SLC4A10: variants seen among roughly 807,000 people sequenced by gnomAD.
The protein encoded by SLC4A10 is solute carrier family 4 member 10.
A neutral mutation model predicts 137.7 loss-of-function variants in SLC4A10; 42 were observed. The observed-to-expected ratio is 0.30, with a 90% CI of 0.24 to 0.39. The LOEUF is 0.39. SLC4A10 is among the 10% of genes least tolerant of loss of function. SLC4A10 has a pLI of 1.00. For synonymous variants in SLC4A10, 474 were observed against 464.1 expected (o/e 1.02, Z -0.27); for missense variants, 925 against 1,355.0 (o/e 0.68, Z 4.98).
chr2:161,905,215 A>G (rs892169206), intron 14 of SLC4A10, among the ~76,000 whole-genome samples: 1 of 152,172 alleles, frequency 6.6e-6, no homozygotes, highest in Non-Finnish European at 1.5e-5. Context: ...GACTGGTTTC[A>G]TGGAAGACAA....
intron 2 of SLC4A10, among the ~76,000 whole-genome samples, chr2:161,773,669 T>G (rs925542661): frequency 6.6e-6 from 1 of 151,830 alleles, no homozygotes; most frequent in African/African-American, 2.4e-5. Context: ...ATCTGTAAAG[T>G]CTCAGGTGCA....
intron 2 of SLC4A10, among the ~76,000 whole-genome samples, chr2:161,797,432 A>G (rs1216864268): frequency 2.0e-5 from 3 of 152,176 alleles, no homozygotes; most frequent in South Asian, 4.1e-4. Context: ...CCACACAGTA[A>G]CATTTGCCTC....
At chr2:161,871,391 C>A (rs1023922419) in intron 6 of SLC4A10, among the ~76,000 whole-genome samples, 2 of 31,332 alleles carry the variant, frequency 6.4e-5, no homozygotes, top group South Asian at 3.8e-3. Flanking sequence ...TGTCTTTATT[C>A]ATTTCACAGA....
At chr2:161,737,035 T>C (rs1455439945) in intron 1 of SLC4A10, among the ~76,000 whole-genome samples, 1 of 151,896 alleles carries the variant, frequency 6.6e-6, no homozygotes, top group Non-Finnish European at 1.5e-5. Context: ...GATTTTTTTT[T>C]TTCCATGGAG....
At chr2:161,795,164 A>C (rs2054632198) in intron 2 of SLC4A10, among the ~76,000 whole-genome samples, 2 of 151,964 alleles carry the variant, frequency 1.3e-5, no homozygotes, top group South Asian at 4.2e-4. Flanking sequence ...ACCTGCCAAT[A>C]CATATCTTAT....
At chr2:161,957,832 G>A (rs1021232022) in intron 20 of SLC4A10, among the ~76,000 whole-genome samples, 1 of 151,936 alleles carries the variant, frequency 6.6e-6, no homozygotes, top group Non-Finnish European at 1.5e-5. Context: ...TATTTCCAAG[G>A]TGTGTCAATT....
At position 161,879,115 on chromosome 2, in the gene SLC4A10, C is replaced by G; in HGVS notation, c.949-16C>G. On this transcript the variant is annotated splice_polypyrimidine_tract_variant and intron_variant, in intron 8 of 26. Transcript: ENST00000446997. The stretch of plus-strand genomic sequence containing the variant: ...TCCAATTTTGATTTATCATATTTAC[C>G]TGGTGATGCTTGCAGGTTGATCTGC... 1 of 1,610,702 alleles carries G rather than the reference C, an allele frequency of 6.2e-7. No individual in the cohort carries two copies. Among genetic ancestry groups the G allele is most frequent in the South Asian group, 1.1e-5 (1 of 90,766 alleles).
intron 1 of SLC4A10, among the ~76,000 whole-genome samples, chr2:161,648,789 G>A (rs1285963125): frequency 6.6e-6 from 1 of 152,186 alleles, no homozygotes; most frequent in Non-Finnish European, 1.5e-5. Context: ...AGCTATGCAT[G>A]TGGGTTGATT....
chr2:161,738,856 A>G (rs1479463927), intron 1 of SLC4A10, among the ~76,000 whole-genome samples: 1 of 151,812 alleles, frequency 6.6e-6, no homozygotes, highest in African/African-American at 2.4e-5. Flanking sequence ...CTCTTAGTCC[A>G]CTCCCATTTA....
At chr2:161,670,960 G>C (rs1465731397) in intron 1 of SLC4A10, among the ~76,000 whole-genome samples, 1 of 152,056 alleles carries the variant, frequency 6.6e-6, no homozygotes, top group Non-Finnish European at 1.5e-5. Context: ...CTTTTTGAAT[G>C]CAGGACCCAT....
chr2:161,847,197 T>G (rs1429776658), intron 4 of SLC4A10, among the ~76,000 whole-genome samples: 1 of 151,882 alleles, frequency 6.6e-6, no homozygotes. Context: ...GAGCTGTGAT[T>G]GCACCACAGC....
intron 3 of SLC4A10, among the ~76,000 whole-genome samples, chr2:161,823,412 G>A (rs537766723): frequency 6.6e-6 from 1 of 152,176 alleles, no homozygotes; most frequent in Non-Finnish European, 1.5e-5. Flanking sequence ...GTCTACCTGA[G>A]CAGTTCATCT....
intron 1 of SLC4A10, among the ~76,000 whole-genome samples, chr2:161,725,659 G>A (rs1254570201): frequency 2.0e-5 from 3 of 152,072 alleles, no homozygotes; most frequent in Non-Finnish European, 4.4e-5. Flanking sequence ...CACCCGGGTG[G>A]TGTAATCATT....
At chr2:161,879,835 G>T (rs934095246) in intron 9 of SLC4A10, among the ~76,000 whole-genome samples, 2 of 151,974 alleles carry the variant, frequency 1.3e-5, no homozygotes, top group African/African-American at 4.8e-5. Context: ...AAGTATTATC[G>T]CAGTGTGGTT....
intron 1 of SLC4A10, among the ~76,000 whole-genome samples, chr2:161,761,172 G>T (rs985300481): frequency 6.6e-6 from 1 of 151,992 alleles, no homozygotes; most frequent in African/African-American, 2.4e-5. Flanking sequence ...ATGTTATGTG[G>T]CTGCACACAC....
At chr2:161,975,933 C>A (rs561992554) in intron 24 of SLC4A10, among the ~76,000 whole-genome samples, 1 of 152,080 alleles carries the variant, frequency 6.6e-6, no homozygotes, top group South Asian at 2.1e-4. Flanking sequence ...GGGGACAGAG[C>A]CTTTAGGCCA....
intron 2 of SLC4A10, among the ~76,000 whole-genome samples, chr2:161,787,097 C>T (rs1284124856): frequency 1.3e-5 from 2 of 151,998 alleles, no homozygotes; most frequent in Non-Finnish European, 2.9e-5. Flanking sequence ...TTGAGCATTT[C>T]TTATAGCACC....
intron 1 of SLC4A10, among the ~76,000 whole-genome samples, chr2:161,731,333 C>A (rs2046803248): frequency 1.3e-5 from 2 of 152,024 alleles, no homozygotes; most frequent in Non-Finnish European, 2.9e-5. Context: ...TTTTGCAATG[C>A]TGCTAAAGTC....
At chr2:161,672,240 G>C (rs2039810168) in intron 1 of SLC4A10, among the ~76,000 whole-genome samples, 1 of 152,042 alleles carries the variant, frequency 6.6e-6, no homozygotes, top group East Asian at 1.9e-4. Context: ...TAAGATTTGA[G>C]TAATTTGAAA....
Sources: allele counts gnomAD v4.1 joint callset (sites outside exome capture counted in the v4.1 genomes callset), GRCh38; gene constraint gnomAD v4.1.1; transcripts MANE v1.5; gene names NCBI Gene and HGNC (gene_info 2026-07-23, HGNC 2026-07-21).